The following PLCB1 variants were observed in gnomAD, a reference collection of about 807,000 sequenced individuals.
The protein encoded by PLCB1 is phospholipase C beta 1, also known as 1-phosphatidylinositol 4,5-bisphosphate phosphodiesterase beta-1.
PLCB1 carries 46 observed loss-of-function variants against 161.8 expected under a neutral mutation model. The ratio of observed to expected loss-of-function variants is 0.28; its 90% CI spans 0.22 to 0.36. The LOEUF (loss-of-function observed/expected upper bound fraction) is 0.36, where lower values mean the gene tolerates loss of function less well. PLCB1 is among the 10% of genes least tolerant of loss of function. The pLI is 1.00. For synonymous variants in PLCB1, 517 were observed against 503.7 expected, an observed-to-expected ratio of 1.03 and a Z score of -0.35; for missense variants, 1,016 against 1,472.5, an observed-to-expected ratio of 0.69 and a Z score of 5.07.
At chr20:8,263,705 G>A (rs765584747) in intron 2 of PLCB1, among the ~76,000 whole-genome samples, 1 of 152,110 alleles carries the variant, frequency 6.6e-6, no homozygotes, top group African/African-American at 2.4e-5. Flanking sequence ...TAACATAATG[G>A]TAAGTATTCA....
intron 4 of PLCB1, among the ~76,000 whole-genome samples, chr20:8,644,978 T>C (rs1194521551): frequency 2.6e-5 from 4 of 152,228 alleles, no homozygotes; most frequent in Admixed American, 1.3e-4. Context: ...TTTTGTTCTG[T>C]ACTAAGAAAA....
At chr20:8,601,447 C>T (rs1240178126) in intron 3 of PLCB1, among the ~76,000 whole-genome samples, 2 of 152,126 alleles carry the variant, frequency 1.3e-5, no homozygotes, top group Admixed American at 6.5e-5. Flanking sequence ...TTATTTAGCT[C>T]CCACTTATAA....
chr20:8,171,198 A>G (rs939528378), intron 2 of PLCB1, among the ~76,000 whole-genome samples: 26 of 152,288 alleles, frequency 1.7e-4, no homozygotes, highest in African/African-American at 6.3e-4. Context: ...GCTACTTTCA[A>G]CAATATCATG....
chr20:8,281,075 TA>T (rs1302467229), intron 2 of PLCB1, among the ~76,000 whole-genome samples: 1 of 152,232 alleles, frequency 6.6e-6, no homozygotes, highest in African/African-American at 2.4e-5. Context: ...ATAACCTTTC[TA>T]AAAGTAAAAA....
At chr20:8,583,034 AACATTGATGAACCTT>A (rs72445006) in intron 3 of PLCB1, among the ~76,000 whole-genome samples, 37,563 of 151,038 alleles carry the variant, frequency 0.25, 5,124 homozygotes, top group African/African-American at 0.38. Flanking sequence ...CACATGCTCC[AACATTGATGAACCTT>A]ACATTGATGA....
At chr20:8,670,777 A>T (rs1989923106) in intron 9 of PLCB1, among the ~76,000 whole-genome samples, 2 of 152,318 alleles carry the variant, frequency 1.3e-5, no homozygotes, top group South Asian at 4.1e-4. Flanking sequence ...AGAAGGGAAC[A>T]TTTAGATTAT....
chr20:8,371,708 C>T, intron 3 of PLCB1: 1 of 369,530 alleles, frequency 2.7e-6, no homozygotes, highest in Non-Finnish European at 4.8e-6. Flanking sequence ...GACAACAATG[C>T]CCAAGTTACT....
intron 18 of PLCB1, 137 bp from the exon 19 acceptor site, chr20:8,733,101 C>T (rs1195502647): frequency 2.4e-6 from 2 of 846,402 alleles, no homozygotes; most frequent in African/African-American, 1.7e-5. Context: ...ATCTGTGTTT[C>T]CTGCATTTCT....
intron 31 of PLCB1, chr20:8,831,181 A>G (rs6056188): frequency 0.5 from 76,915 of 152,792 alleles, 19,917 homozygotes; most frequent in Middle Eastern, 0.6. Context: ...AAAAGAGTGG[A>G]GTCTCCAATG....
chr20:8,199,596 T>G (rs2052068545), intron 2 of PLCB1, among the ~76,000 whole-genome samples: 1 of 152,262 alleles, frequency 6.6e-6, no homozygotes, highest in African/African-American at 2.4e-5. Flanking sequence ...GATTTGTTGC[T>G]TATATTTTAA....
At chr20:8,690,150 GT>G (rs201866634) in intron 10 of PLCB1, among the ~76,000 whole-genome samples, 93 of 42,304 alleles carry the variant, frequency 2.2e-3, no homozygotes, top group African/African-American at 5.8e-3. Context: ...TTTTGCTGTT[GT>G]TTTTTTTTTT....
intron 2 of PLCB1, among the ~76,000 whole-genome samples, chr20:8,244,306 G>A (rs1038720322): frequency 3.3e-5 from 5 of 151,882 alleles, no homozygotes; most frequent in Admixed American, 1.3e-4. Context: ...AGTCGTATTT[G>A]TAATAGCCCC....
chr20:8,470,454 G>A (rs1487592446), intron 3 of PLCB1, among the ~76,000 whole-genome samples: 3 of 152,146 alleles, frequency 2.0e-5, no homozygotes, highest in African/African-American at 7.2e-5. Flanking sequence ...TTACAGTAGT[G>A]GGTGTGAAAT....
intron 3 of PLCB1, among the ~76,000 whole-genome samples, chr20:8,393,538 C>T (rs1461790604): frequency 6.6e-6 from 1 of 152,108 alleles, no homozygotes; most frequent in Admixed American, 6.6e-5. Flanking sequence ...CCTATACTCC[C>T]AGCTACTCAG....
At chr20:8,473,021 G>T (rs1195132699) in intron 3 of PLCB1, among the ~76,000 whole-genome samples, 1 of 152,112 alleles carries the variant, frequency 6.6e-6, no homozygotes, top group African/African-American at 2.4e-5. Flanking sequence ...GCTGCATCAA[G>T]CCAGAAGGAG....
intron 25 of PLCB1, among the ~76,000 whole-genome samples, chr20:8,763,432 C>G (rs1370466820): frequency 6.6e-6 from 1 of 152,036 alleles, no homozygotes; most frequent in East Asian, 1.9e-4. Context: ...GCCACCCAGG[C>G]TGGAGTGCAG....
At position 8,757,120 on chromosome 20, in the gene PLCB1, C is replaced by T; in HGVS notation, c.2598C>T (p.His866=). The T allele has an allele frequency of 3.7e-6, 6 of 1,613,558 alleles. No individual in the cohort carries two copies. Among genetic ancestry groups the T allele is most frequent in the Non-Finnish European group, 5.1e-6 (6 of 1,179,574 alleles). Residue 866 remains histidine (H), a synonymous_variant, in exon 24 of 32, where the codon CAC becomes CAT. Transcript: ENST00000338037. ...CTCCAGCAGAAAATGGGGTGAATCA[C>T]ACTACAACCCTGACACCCAAGCCAC... is the stretch of plus-strand genomic sequence containing the variant. ...RTTPAENGVN[H]TTTLTPKPPS... is the part of the protein sequence containing the mutation.
At chr20:8,753,845 G>C (rs1200605005) in intron 23 of PLCB1, among the ~76,000 whole-genome samples, 2 of 152,184 alleles carry the variant, frequency 1.3e-5, no homozygotes, top group East Asian at 3.9e-4. Flanking sequence ...TTTACAGGCT[G>C]TCTCTCTCCT....
intron 31 of PLCB1, among the ~76,000 whole-genome samples, chr20:8,791,000 G>A (rs1291909158): frequency 6.6e-6 from 1 of 151,976 alleles, no homozygotes; most frequent in Non-Finnish European, 1.5e-5. Flanking sequence ...ACTCTAAAAA[G>A]TACTGCCATT....
Sources: gnomAD v4.1 joint callset for allele counts (sites outside exome capture counted in the v4.1 genomes callset) on GRCh38, gnomAD v4.1.1 for gene constraint, MANE v1.5 for transcripts, NCBI Gene and HGNC (gene_info 2026-07-23, HGNC 2026-07-21) for gene names.